The following EPB41L2 variants were observed in gnomAD, a reference collection of about 807,000 sequenced individuals.
The protein encoded by EPB41L2 is erythrocyte membrane protein band 4.1 like 2.
EPB41L2 carries 43 observed loss-of-function variants against 113.0 expected under a neutral mutation model. The ratio of observed to expected loss-of-function variants is 0.38; its 90% confidence interval spans 0.30 to 0.49. EPB41L2 has a LOEUF of 0.49. Among genes scored for constraint, EPB41L2 ranks in the 20% least tolerant of loss-of-function variants. EPB41L2 has a pLI of 0.95. For missense variants in EPB41L2, 1,147 were observed against 1,223.4 expected, an observed-to-expected ratio of 0.94 and a Z score of 0.93; for synonymous variants, 442 against 436.7, an observed-to-expected ratio of 1.01 and a Z score of -0.15.
At chr6:131,013,666 A>G (rs1265287184) in intron 1 of EPB41L2, 1 of 152,194 alleles carries the variant, frequency 6.6e-6, no homozygotes, top group East Asian at 1.9e-4. Context: ...CAACACAGGA[A>G]ACTGCCCTTT....
intron 1 of EPB41L2, among the ~76,000 whole-genome samples, chr6:130,968,695 GAATTA>G (rs1043179593): frequency 6.6e-6 from 1 of 151,378 alleles, no homozygotes; most frequent in Non-Finnish European, 1.5e-5. Flanking sequence ...AACTACAATG[GAATTA>G]CAGACATGCC....
intron 1 of EPB41L2, among the ~76,000 whole-genome samples, chr6:131,021,922 G>A (rs756216384): frequency 1.3e-5 from 2 of 152,134 alleles, no homozygotes; most frequent in Non-Finnish European, 2.9e-5. Context: ...TGGTTTCGTG[G>A]AAGATAATTT....
intron 8 of EPB41L2, among the ~76,000 whole-genome samples, chr6:130,896,922 G>T (rs1353123801): frequency 1.3e-5 from 2 of 152,020 alleles, no homozygotes; most frequent in Non-Finnish European, 2.9e-5. Context: ...GGGAGGTCAG[G>T]GTGTTTAATA....
At chr6:131,018,266 T>C (rs1281827333) in intron 1 of EPB41L2, among the ~76,000 whole-genome samples, 2 of 152,124 alleles carry the variant, frequency 1.3e-5, no homozygotes, top group African/African-American at 4.8e-5. Context: ...TTATGTCCAC[T>C]TCAAGGGTGG....
chr6:130,897,053 T>C (rs1794881391), intron 8 of EPB41L2, among the ~76,000 whole-genome samples: 1 of 152,022 alleles, frequency 6.6e-6, no homozygotes, highest in South Asian at 2.1e-4. Flanking sequence ...CACTCTGCCC[T>C]CCCTCCTTCA....
At chr6:130,938,366 G>A (rs1809614469) in intron 3 of EPB41L2, among the ~76,000 whole-genome samples, 2 of 152,266 alleles carry the variant, frequency 1.3e-5, no homozygotes, top group South Asian at 4.1e-4. Flanking sequence ...GACTAACAAA[G>A]TAAAATAAAA....
intron 3 of EPB41L2, among the ~76,000 whole-genome samples, chr6:130,940,373 A>T (rs567343058): frequency 2.0e-5 from 3 of 151,996 alleles, no homozygotes; most frequent in African/African-American, 4.8e-5. Flanking sequence ...GTAACCCCCA[A>T]TTTTTGCTTG....
chr6:130,948,450 T>A (rs1032019873), intron 3 of EPB41L2, among the ~76,000 whole-genome samples: 2 of 152,132 alleles, frequency 1.3e-5, no homozygotes, highest in South Asian at 4.1e-4. Context: ...AGCATTAGAC[T>A]TTATTAACTC....
rs1392716079 is a variant in EPB41L2, at chr6:130,944,158, T to TACAC, written c.705+10946_705+10947insGTGT. On this transcript the variant is annotated intron_variant, in intron 3 of 19. Transcript: ENST00000337057. ...GGTGGGTGGATTATATATATATACG[T>TACAC]ACATACACACACATACACACACACA... Among the ~76,000 whole-genome samples the TACAC allele has an allele frequency of 2.8e-3, 415 of 146,478 alleles. 4 individuals carry two copies. The highest frequency in any genetic ancestry group is 9.8e-3 in the African/African-American group (386 of 39,474).
Position 130,901,018 on chromosome 6 carries a change from G to A in EPB41L2, c.1092C>T (p.Ala364=). 1.2e-6 allele frequency: 2 copies of A among 1,614,130 alleles called. No individual in the cohort carries two copies. Among genetic ancestry groups the A allele is most frequent in the Non-Finnish European group, 1.7e-6 (2 of 1,180,010 alleles). ...GSIDLSEFQF[A]PTQTKELEEK... Reference sequence around the variant, plus strand: ...CTTCCAGCTCCTTAGTCTGAGTAGGGGCAAACTGGAATTCACTGAGGTCGA... The same window carrying A: ...CTTCCAGCTCCTTAGTCTGAGTAGGAGCAAACTGGAATTCACTGAGGTCGA... The change falls in exon 7 of 20, where the codon GCC becomes GCT. Residue 364 remains alanine, a synonymous_variant. Coordinates refer to ENST00000337057, the MANE Select transcript of EPB41L2 (RefSeq NM_001431.4).
intron 1 of EPB41L2, among the ~76,000 whole-genome samples, chr6:130,973,307 G>A (rs1777390079): frequency 6.6e-6 from 1 of 151,370 alleles, no homozygotes; most frequent in Non-Finnish European, 1.5e-5. Context: ...CATAGTGGAA[G>A]TAAATTTTAC....
intron 19 of EPB41L2, among the ~76,000 whole-genome samples, chr6:130,850,667 A>G (rs1010493490): frequency 6.6e-6 from 1 of 152,160 alleles, no homozygotes; most frequent in Non-Finnish European, 1.5e-5. Flanking sequence ...ATTTCCTACT[A>G]TCTCTCCCTT....
intron 1 of EPB41L2, among the ~76,000 whole-genome samples, chr6:130,973,030 T>G (rs1367350365): frequency 1.3e-5 from 2 of 151,258 alleles, no homozygotes; most frequent in African/African-American, 4.9e-5. Context: ...AAGAATCGCT[T>G]GAACCCGGGA....
intron 1 of EPB41L2, among the ~76,000 whole-genome samples, chr6:131,051,586 A>G (rs1235979776): frequency 6.6e-6 from 1 of 152,132 alleles, no homozygotes; most frequent in Non-Finnish European, 1.5e-5. Flanking sequence ...GAGCAGAGGA[A>G]GCAGAAAACT....
rs1172184694 is a variant in EPB41L2 at position 130,901,108 on chromosome 6, A to G, written c.1002T>C (p.Ala334=). 2 of 1,613,980 alleles carry G rather than the reference A, an allele frequency of 1.2e-6. No individual in the cohort carries two copies. Among genetic ancestry groups the G allele is most frequent in the Admixed American group, 3.3e-5 (2 of 59,996 alleles). ...GRLPCSFVTH[A]LLGSYTLQAE... is the part of the protein sequence containing the mutation. ...CCTGCAGGGTGTAGGATCCCAGGAG[A>G]GCATGAGTCACAAAAGAGCAGGGCA... Residue 334 remains alanine, a synonymous_variant, in exon 7 of 20, where the codon GCT becomes GCC. Coordinates refer to ENST00000337057, the MANE Select transcript of EPB41L2 (RefSeq NM_001431.4).
At chr6:131,054,036 T>C (rs145544358) in intron 1 of EPB41L2, among the ~76,000 whole-genome samples, 11 of 152,322 alleles carry the variant, frequency 7.2e-5, no homozygotes, top group East Asian at 3.9e-4. Flanking sequence ...TCTATCCCCA[T>C]GTCATGAGGG....
At chr6:130,952,039 C>A (rs1194726114) in intron 3 of EPB41L2, among the ~76,000 whole-genome samples, 1 of 152,054 alleles carries the variant, frequency 6.6e-6, no homozygotes, top group South Asian at 2.1e-4. Context: ...TTGGCTACTG[C>A]AACATAACCT....
At chr6:130,941,553 G>T (rs936408260) in intron 3 of EPB41L2, among the ~76,000 whole-genome samples, 1 of 152,184 alleles carries the variant, frequency 6.6e-6, no homozygotes. Flanking sequence ...TTTGACATTT[G>T]ATTCATACAG....
intron 1 of EPB41L2, among the ~76,000 whole-genome samples, chr6:131,009,318 A>C (rs1053264493): frequency 5.9e-5 from 9 of 152,124 alleles, no homozygotes; most frequent in African/African-American, 2.2e-4. Flanking sequence ...AAGCTTCCTG[A>C]GGCCTCCCCA....
Sources: allele counts gnomAD v4.1 joint callset (sites outside exome capture counted in the v4.1 genomes callset), GRCh38; gene constraint gnomAD v4.1.1; transcripts MANE v1.5; gene names NCBI Gene and HGNC (gene_info 2026-07-23, HGNC 2026-07-21).